KMT5B: variants seen among roughly 807,000 people sequenced by gnomAD.
KMT5B encodes the protein lysine methyltransferase 5B.
KMT5B carries 10 observed loss-of-function variants against 83.2 expected under a neutral mutation model. That is an observed-to-expected ratio of 0.12 (90% CI 0.07 to 0.20). The LOEUF is 0.20. Among genes scored for constraint, KMT5B ranks in the 10% least tolerant of loss-of-function variants. The probability of loss-of-function intolerance (pLI) is 1.00; values close to 1 mark genes in which losing one functional copy is unlikely to be tolerated. For synonymous variants in KMT5B, 349 were observed against 388.8 expected, an observed-to-expected ratio of 0.90 and a Z score of 1.20; for missense variants, 753 against 1,067.2, an observed-to-expected ratio of 0.71 and a Z score of 4.10.
At chr11:68,207,684 G>A (rs532026384) in intron 1 of KMT5B, among the ~76,000 whole-genome samples, 69 of 151,088 alleles carry the variant, frequency 4.6e-4, no homozygotes, top group Non-Finnish European at 8.1e-4. Context: ...CCAGCTACTC[G>A]GGAGGCTGAG....
chr11:68,186,529 G>A (rs1857453080), intron 2 of KMT5B, among the ~76,000 whole-genome samples: 1 of 152,194 alleles, frequency 6.6e-6, no homozygotes, highest in Admixed American at 6.5e-5. Context: ...GAGAATGACA[G>A]ACCTATTTCT....
At chr11:68,165,882 G>T (rs747882531) in intron 10 of KMT5B, 1 of 1,612,940 alleles carries the variant, frequency 6.2e-7, no homozygotes, top group East Asian at 2.2e-5. Flanking sequence ...GCAGCAGGTA[G>T]ATTCAGGAAT....
rs149088634 is a variant in KMT5B at position 68,191,343 on chromosome 11, C to T, written c.-76-1191G>A. Among the ~76,000 whole-genome samples the T allele has an allele frequency of 1.8e-4, 27 of 150,804 alleles. No homozygotes were observed. The East Asian group carries it at 5.2e-3, about 29-fold the overall frequency. ...GCCTGGCTAAGAAAGAATATACATT[C>T]ATTTATTTGAGACAGGGCCTTGCTC... On this transcript the variant is annotated intron_variant, in intron 1 of 10. Coordinates refer to ENST00000304363, the MANE Select transcript of KMT5B (RefSeq NM_017635.5).
In KMT5B at chr11:68,159,070, A is replaced by G; in HGVS notation, c.1276T>C (p.Ser426Pro). Residue 426 changes from serine to proline, a missense_variant, in exon 11 of 11, where the codon TCA becomes CCA. Physicochemically the swap from Ser to Pro is moderately conservative, Grantham distance 74. Transcript: ENST00000304363. ...TTATTTATATGAGTTAGCTTAGATG[A>G]GGTAGAGTTGGAAGAAGCTGGAATT... ...SRIPASSNST[S>P]SKLTHINNSR... The G allele has an allele frequency of 6.2e-7, 1 of 1,612,212 alleles. No individual in the cohort carries two copies. The highest frequency in any genetic ancestry group is 8.5e-7 in the Non-Finnish European group (1 of 1,179,614).
intron 10 of KMT5B, chr11:68,166,737 A>G: frequency 1.5e-6 from 2 of 1,353,122 alleles, no homozygotes; most frequent in Non-Finnish European, 1.9e-6. Context: ...CATATGATGA[A>G]GAACTCATAT....
intron 1 of KMT5B, among the ~76,000 whole-genome samples, chr11:68,205,144 CCAAAAAAAAAAA>C (rs1316893648): frequency 1.4e-5 from 2 of 140,230 alleles, no homozygotes; most frequent in African/African-American, 5.8e-5. Flanking sequence ...CTCATCTCTA[CCAAAAAAAAAAA>C]CAAAAAAAAC....
intron 3 of KMT5B, among the ~76,000 whole-genome samples, chr11:68,181,803 T>C (rs1018595125): frequency 1.3e-5 from 2 of 152,212 alleles, no homozygotes; most frequent in Admixed American, 1.3e-4. Flanking sequence ...GTAAAGGTCA[T>C]TAATAAAGTT....
chr11:68,178,767 T>C (rs1856621542), intron 4 of KMT5B, among the ~76,000 whole-genome samples: 1 of 152,222 alleles, frequency 6.6e-6, no homozygotes, highest in African/African-American at 2.4e-5. Context: ...CTGTTATACC[T>C]ATTAGGGCTG....
rs187695236 is a variant in KMT5B at position 68,158,560 on chromosome 11, G to C, written c.1786C>G (p.Gln596Glu). 855 of 1,613,996 alleles carry C rather than the reference G, an allele frequency of 5.3e-4. No individual in the cohort carries two copies. Among genetic ancestry groups the C allele is most frequent in the Middle Eastern group, 3.3e-3 (20 of 6,062 alleles). The part of the protein sequence containing the change: ...QEEELAHETA[Q>E]KGEAKCHKSD... Reference sequence around the variant, plus strand: ...TTATGACACTTTGCCTCCCCTTTTTGTGCAGTCTCATGAGCCAGTTCTTCC... The same window carrying C: ...TTATGACACTTTGCCTCCCCTTTTTCTGCAGTCTCATGAGCCAGTTCTTCC... Residue 596 changes from glutamine (Q) to glutamate (E), a missense_variant, in exon 11 of 11, where the codon CAA (glutamine) becomes GAA (glutamate). Gln to Glu is a conservative substitution (Grantham distance 29). This residue lies in a region of KMT5B where 397 missense variants were observed against 395.9 expected (regional missense o/e 1.00). Transcript: ENST00000304363.
intron 1 of KMT5B, among the ~76,000 whole-genome samples, chr11:68,199,440 AAAC>A (rs777533907): frequency 2.0e-5 from 3 of 152,162 alleles, no homozygotes; most frequent in Non-Finnish European, 4.4e-5. Context: ...AGGGAAGGGC[AAAC>A]ACAAGGCCCA....
intron 3 of KMT5B, among the ~76,000 whole-genome samples, chr11:68,180,717 G>A (rs1370031743): frequency 1.3e-5 from 2 of 152,234 alleles, no homozygotes; most frequent in East Asian, 3.9e-4. Context: ...TCGCGCCTCA[G>A]GATACTGTGA....
At chr11:68,190,513 T>C (rs1007330936) in intron 1 of KMT5B, among the ~76,000 whole-genome samples, 2 of 152,244 alleles carry the variant, frequency 1.3e-5, no homozygotes, top group African/African-American at 4.8e-5. Context: ...GACAGCTCCA[T>C]GCATGCTACT....
intron 1 of KMT5B, among the ~76,000 whole-genome samples, chr11:68,209,447 C>G (rs1224664220): frequency 1.3e-5 from 2 of 152,106 alleles, no homozygotes; most frequent in Non-Finnish European, 2.9e-5. Flanking sequence ...AAAGTACAGA[C>G]TAGGAAGCAG....
At position 68,156,178 on chromosome 11, in the gene KMT5B, C is replaced by T. The variant is rs1445096411; in HGVS notation, c.*1510G>A. 6.6e-6 allele frequency: 1 copy of T among 152,136 alleles called. No homozygotes were observed. The highest frequency in any genetic ancestry group is 2.4e-5 in the African/African-American group (1 of 41,442). 9.4% of individuals were successfully genotyped at this position (152,136 alleles called of 1,614,324 possible). ...ACTTTCCTATAGACACTATACAAAT[C>T]CCCTGAATTGATTTTTACTTAGGAA... On this transcript the variant is annotated 3_prime_UTR_variant, in exon 11 of 11. Transcript: ENST00000304363.
At chr11:68,164,807 C>T in intron 10 of KMT5B, 1 of 451,074 alleles carries the variant, frequency 2.2e-6, no homozygotes, top group Admixed American at 2.4e-5. Context: ...ACTTGAAAGC[C>T]TGTGCCTCCA....
chr11:68,176,573 CAGG>C (rs1856404146), intron 4 of KMT5B: 1 of 152,154 alleles, frequency 6.6e-6, no homozygotes, highest in South Asian at 2.1e-4. Context: ...ATCACGAGGT[CAGG>C]AGATCGAGAC....
chr11:68,204,611 G>GT (rs34315868), intron 1 of KMT5B, among the ~76,000 whole-genome samples: 39,495 of 105,408 alleles, frequency 0.37, 8,613 homozygotes, highest in East Asian at 0.57. Context: ...TAAATTTCCG[G>GT]TTTTTTTTTT....
At chr11:68,180,350 C>T (rs1041488495) in intron 3 of KMT5B, 150 bp from the exon 4 acceptor site, 12 of 1,014,962 alleles carry the variant, frequency 1.2e-5, no homozygotes, top group East Asian at 8.0e-5. Flanking sequence ...CAGGTGGGCG[C>T]GGCAGGATAG....
intron 4 of KMT5B, among the ~76,000 whole-genome samples, chr11:68,177,434 C>T (rs959760891): frequency 3.3e-5 from 5 of 151,944 alleles, no homozygotes; most frequent in African/African-American, 1.2e-4. Flanking sequence ...AGCTAGGTAG[C>T]AATAATAAAG....
Sources: allele counts gnomAD v4.1 joint callset (sites outside exome capture counted in the v4.1 genomes callset), GRCh38; gene constraint gnomAD v4.1.1; regional missense constraint gnomAD v4.1.1; transcripts MANE v1.5; gene names NCBI Gene and HGNC (gene_info 2026-07-23, HGNC 2026-07-21).